Variants in ZC4H2 observed in about 807,000 individuals in gnomAD.
ZC4H2 encodes zinc finger C4H2 domain-containing protein.
For synonymous variants in ZC4H2, 84 were observed against 66.3 expected (o/e 1.27, Z -1.30); for missense variants, 137 against 173.9 (o/e 0.79, Z 1.19).
chrX:64,936,808 A>G (rs1478210963), intron 1 of ZC4H2, among the ~76,000 whole-genome samples: 2 of 111,987 alleles, frequency 1.8e-5, no homozygotes, highest in Non-Finnish European at 3.8e-5. Flanking sequence ...GGTACCAGTC[A>G]CTGCAAAAAC....
At position 64,916,146 on chromosome X, in the gene ZC4H2, G is replaced by A; in HGVS notation, c.*1637C>T. 1 of 112,047 alleles carries A rather than the reference G, an allele frequency of 8.9e-6. No individual in the cohort carries two copies. The highest frequency in any genetic ancestry group is 3.7e-4 in the South Asian group (1 of 2,682). The allele number at this position is 112,047 out of a possible 1,213,427, so 9.2% of individuals were successfully genotyped here. A position where few individuals can be genotyped will look rare whatever the true frequency, so the allele number is the denominator to read the frequency against. ...CTCTGAAAAAGCTTTTAAGTTTTTG[G>A]AGGTTCAGTATCCCTTTTTTTTTAA... is the stretch of plus-strand genomic sequence containing the variant. On this transcript the variant is annotated 3_prime_UTR_variant, in exon 5 of 5. Coordinates refer to ENST00000374839, the MANE Select transcript of ZC4H2 (RefSeq NM_018684.4).
intron 1 of ZC4H2, among the ~76,000 whole-genome samples, chrX:65,034,332 T>A (rs903462824): frequency 3.6e-5 from 4 of 111,356 alleles, no homozygotes; most frequent in Admixed American, 1.9e-4. Context: ...TTAAGGGAGG[T>A]GACCCTTAAC....
chrX:64,949,976 T>C (rs886896338), intron 1 of ZC4H2, among the ~76,000 whole-genome samples: 5 of 112,175 alleles, frequency 4.5e-5, no homozygotes, highest in Non-Finnish European at 9.4e-5. Flanking sequence ...CTTTCTCTTG[T>C]GGGCATTTAG....
chrX:65,006,707 A>G (rs1932667924), intron 1 of ZC4H2, among the ~76,000 whole-genome samples: 1 of 112,298 alleles, frequency 8.9e-6, no homozygotes, highest in Admixed American at 9.4e-5. Context: ...TTAAAGTATA[A>G]TAACAATAAA....
intron 1 of ZC4H2, among the ~76,000 whole-genome samples, chrX:64,944,329 G>T (rs187819027): frequency 2.7e-4 from 29 of 108,252 alleles, no homozygotes; most frequent in Non-Finnish European, 4.8e-4. Flanking sequence ...TTTTTTAGTA[G>T]AGACGGGGTT....
intron 1 of ZC4H2, among the ~76,000 whole-genome samples, chrX:64,984,700 C>T (rs1254731422): frequency 8.9e-6 from 1 of 111,868 alleles, no homozygotes; most frequent in Non-Finnish European, 1.9e-5. Flanking sequence ...AATCCTGAGC[C>T]ATTATTTCTT....
chrX:65,031,185 C>A (rs993775980), intron 1 of ZC4H2, among the ~76,000 whole-genome samples: 2 of 112,153 alleles, frequency 1.8e-5, no homozygotes, highest in African/African-American at 6.5e-5. Context: ...ATTTCATAAT[C>A]TTTTGCTCAA....
intron 1 of ZC4H2, among the ~76,000 whole-genome samples, chrX:64,931,501 T>C (rs1045753343): frequency 2.7e-5 from 3 of 111,691 alleles, no homozygotes; most frequent in African/African-American, 6.5e-5. Flanking sequence ...CCATGAACTT[T>C]TGTCTTAGCA....
chrX:64,956,681 C>A (rs898312775), intron 1 of ZC4H2, among the ~76,000 whole-genome samples: 2 of 111,365 alleles, frequency 1.8e-5, no homozygotes, highest in African/African-American at 3.3e-5. Flanking sequence ...TGCATTAGGC[C>A]CTAACAGACC....
At chrX:65,023,174 A>G (rs1028915892) in intron 1 of ZC4H2, among the ~76,000 whole-genome samples, 4 of 111,591 alleles carry the variant, frequency 3.6e-5, no homozygotes, top group Non-Finnish European at 5.6e-5. Flanking sequence ...AATTTAAAGT[A>G]GTTTTTTCCA....
intron 1 of ZC4H2, among the ~76,000 whole-genome samples, chrX:64,948,298 C>T (rs761686108): frequency 2.7e-5 from 3 of 111,358 alleles, no homozygotes; most frequent in South Asian, 7.6e-4. Flanking sequence ...AGTTAGAGGG[C>T]TCTTACACCT....
intron 1 of ZC4H2, among the ~76,000 whole-genome samples, chrX:64,993,086 C>G (rs138691599): frequency 5.3e-5 from 6 of 112,454 alleles, no homozygotes; most frequent in African/African-American, 1.9e-4. Flanking sequence ...GATTTAGCAA[C>G]TATACAAGAT....
At chrX:64,992,168 A>C (rs771259290) in intron 1 of ZC4H2, among the ~76,000 whole-genome samples, 3 of 111,960 alleles carry the variant, frequency 2.7e-5, no homozygotes, top group Non-Finnish European at 5.6e-5. Context: ...ATTTACGGTG[A>C]GTTATATCTT....
intron 1 of ZC4H2, among the ~76,000 whole-genome samples, chrX:64,928,672 CTTCTTCTTCT>C (rs1929562448): frequency 1.0e-5 from 1 of 99,937 alleles, no homozygotes; most frequent in Non-Finnish European, 2.1e-5. Context: ...TCTTCTTCTT[CTTCTTCTTCT>C]TCCTCCTCCT....
rs1484114105 is a variant in ZC4H2 at position 65,023,745 on chromosome X, C to A, written c.-272+10884G>T. ...TAGAAATACCATTTGACCCAGTAAT[C>A]CCATTACTGGGTATATACCCAAAGG... On this transcript the variant is annotated intron_variant, in intron 1 of 4. Transcript: ENST00000337990. 2.7e-5 allele frequency among the ~76,000 whole-genome samples: 3 copies of A among 111,480 alleles called. No individual in the cohort carries two copies. In the Admixed American group the frequency reaches 2.8e-4, roughly 11 times the overall value.
chrX:64,971,712 G>A (rs543860602), intron 1 of ZC4H2, among the ~76,000 whole-genome samples: 7 of 111,109 alleles, frequency 6.3e-5, no homozygotes, highest in South Asian at 7.7e-4. Flanking sequence ...AGATTTGGAG[G>A]ATAATATTTG....
intron 1 of ZC4H2, among the ~76,000 whole-genome samples, chrX:64,957,970 G>C (rs951973344): frequency 4.5e-5 from 5 of 112,064 alleles, no homozygotes; most frequent in African/African-American, 1.6e-4. Flanking sequence ...TCTACATCTT[G>C]TCCCACTGGA....
intron 1 of ZC4H2, among the ~76,000 whole-genome samples, chrX:65,016,457 A>T (rs1281273788): frequency 8.9e-6 from 1 of 111,850 alleles, no homozygotes; most frequent in Non-Finnish European, 1.9e-5. Flanking sequence ...TAATATAACA[A>T]CTCTTGTTGC....
In ZC4H2 at chrX:64,917,668, C is replaced by T. The variant is rs919593005; in HGVS notation, c.*115G>A. On this transcript the variant is annotated 3_prime_UTR_variant, in exon 5 of 5. Coordinates refer to ENST00000374839, the MANE Select transcript of ZC4H2 (RefSeq NM_018684.4). ...TGAGAGAGGGGTTGTGCTTCCATCA[C>T]ATTAAATAGGAGACTTCGTGGGGTT... The T allele has an allele frequency of 3.8e-6, 4 of 1,039,747 alleles. No individual in the cohort carries two copies. The highest frequency in any genetic ancestry group is 1.9e-5 in the African/African-American group (1 of 52,571). The allele number at this position is 1,039,747 out of a possible 1,213,427, so 85.7% of individuals were successfully genotyped here. A position where few individuals can be genotyped will look rare whatever the true frequency, so the allele number is the denominator to read the frequency against.
Sources: gnomAD v4.1 joint callset for allele counts (sites outside exome capture counted in the v4.1 genomes callset) on GRCh38, gnomAD v4.1.1 for gene constraint, MANE v1.5 for transcripts, NCBI Gene and HGNC (gene_info 2026-07-23, HGNC 2026-07-21) for gene names.